The following ZNF160 variants were observed in gnomAD, a reference collection of about 807,000 sequenced individuals.
ZNF160 encodes KRAB zinc finger protein KR18.
Under a neutral mutation model 13.1 loss-of-function variants are expected in ZNF160, and 9 were observed. The observed-to-expected ratio is 0.69, with a 90% CI of 0.41 to 1.20. The LOEUF (loss-of-function observed/expected upper bound fraction) is 1.20. Ranked by LOEUF, ZNF160 falls within the 50% of genes most tolerant of loss-of-function variation. The pLI is 0.01. For synonymous variants in ZNF160, 293 were observed against 333.2 expected (o/e 0.88, Z 1.31); for missense variants, 838 against 988.0 (o/e 0.85, Z 2.04).
chr19:53,082,326 T>C (rs530094377), intron 3 of ZNF160, among the ~76,000 whole-genome samples: 3 of 152,322 alleles, frequency 2.0e-5, no homozygotes, highest in East Asian at 3.9e-4. Flanking sequence ...TTCAAATCCA[T>C]GAGACATATT....
Position 53,069,003 on chromosome 19 carries a change from A to G in ZNF160, c.1531T>C (p.Cys511Arg). The change falls in exon 6 of 6, where the codon TGT (cysteine) becomes CGT (arginine). Residue 511 changes from cysteine (C) to arginine (R), a missense_variant. Physicochemically the swap from Cys to Arg is radical, Grantham distance 180. Transcript: ENST00000683776. The surrounding 1 kb of genome is among the most constrained non-coding windows in gnomAD (Gnocchi z 4.4). ...CTGAAGGCTTTCCCACACTCATTAC[A>G]CTTGTAAGGTTTCTCTCCAGTATGA... ...RIHTGEKPYKCNECGKAFSVR... is the reference protein window; with the variant it reads ...RIHTGEKPYKRNECGKAFSVR... 6.2e-7 allele frequency: 1 copy of G among 1,614,186 alleles called. No individual in the cohort carries two copies. The highest frequency in any genetic ancestry group is 8.5e-7 in the Non-Finnish European group (1 of 1,180,040).
chr19:53,076,017 A>C (rs2084375444), intron 3 of ZNF160: 2 of 250,806 alleles, frequency 8.0e-6, no homozygotes, highest in Non-Finnish European at 1.6e-5. Flanking sequence ...TTTGATGTGT[A>C]GAGGAAAACC....
At chr19:53,080,000 T>C (rs2084564251) in intron 3 of ZNF160, among the ~76,000 whole-genome samples, 1 of 152,082 alleles carries the variant, frequency 6.6e-6, no homozygotes, top group Non-Finnish European at 1.5e-5. Flanking sequence ...AAGGATATGA[T>C]TCTGTATCTA....
chr19:53,070,693 C>T (rs1000127843), intron 5 of ZNF160, among the ~76,000 whole-genome samples: 17 of 152,088 alleles, frequency 1.1e-4, no homozygotes, highest in Admixed American at 5.9e-4. Flanking sequence ...GAATTACAGG[C>T]GTGAGTCACT....
intron 3 of ZNF160, among the ~76,000 whole-genome samples, chr19:53,083,689 C>G (rs2145767404): frequency 6.6e-6 from 1 of 152,298 alleles, no homozygotes; most frequent in East Asian, 1.9e-4. Context: ...GGCTTGGGCC[C>G]AGGAGTTTGA....
Position 53,082,110 on chromosome 19 carries a change from A to G in ZNF160, c.15+4152T>C, listed in dbSNP as rs55829045. ...AGAACAACAGACACTGGCGACTCCA[A>G]AAAGGAAGAGGAAGGAAGAGGGGAA... On this transcript the variant is annotated intron_variant, in intron 3 of 5. Coordinates refer to ENST00000683776, the MANE Select transcript of ZNF160 (RefSeq NM_001322131.2). 7.8e-3 allele frequency among the ~76,000 whole-genome samples: 1,188 copies of G among 152,280 alleles called. 15 individuals carry two copies. The highest frequency in any genetic ancestry group is 0.027 in the African/African-American group (1,119 of 41,548).
intron 5 of ZNF160, 91 bp from the exon 6 acceptor site, chr19:53,070,353 A>G: frequency 7.9e-7 from 1 of 1,262,944 alleles, no homozygotes; most frequent in South Asian, 1.7e-5. Context: ...CAAAAGTAAT[A>G]CTTATATTGA....
chr19:53,073,548 C>A, intron 5 of ZNF160: 2 of 1,570,934 alleles, frequency 1.3e-6, no homozygotes, highest in Non-Finnish European at 1.7e-6. Context: ...ATAAACAGGT[C>A]TAGACGTCAG....
chr19:53,099,786 T>C (rs1390112419), intron 1 of ZNF160, among the ~76,000 whole-genome samples: 1 of 152,216 alleles, frequency 6.6e-6, no homozygotes, highest in Non-Finnish European at 1.5e-5. Context: ...TGAGGTATAT[T>C]GACTGAGTCC....
intron 3 of ZNF160, among the ~76,000 whole-genome samples, chr19:53,083,457 G>C (rs574474583): frequency 6.6e-6 from 1 of 152,216 alleles, no homozygotes; most frequent in Non-Finnish European, 1.5e-5. Flanking sequence ...TCCACTGGTA[G>C]ATAAAGATAA....
chr19:53,071,679 A>T (rs937293194), intron 5 of ZNF160, among the ~76,000 whole-genome samples: 1 of 152,042 alleles, frequency 6.6e-6, no homozygotes, highest in Non-Finnish European at 1.5e-5. Flanking sequence ...AAATAAAAAA[A>T]AAATCGGGCA....
chr19:53,093,192 C>T (rs931261010), intron 1 of ZNF160, among the ~76,000 whole-genome samples: 1 of 152,172 alleles, frequency 6.6e-6, no homozygotes, highest in African/African-American at 2.4e-5. Flanking sequence ...CCCAGCACTT[C>T]ACTTTGGGAG....
chr19:53,074,113 C>T (rs1600820487), intron 5 of ZNF160, 27 bp downstream of exon 5: 3 of 1,610,778 alleles, frequency 1.9e-6, no homozygotes, highest in East Asian at 4.5e-5. Flanking sequence ...AATGAGTGGC[C>T]TTCTCTCTGC....
chr19:53,082,383 C>A (rs1363649850), intron 3 of ZNF160, among the ~76,000 whole-genome samples: 7 of 152,152 alleles, frequency 4.6e-5, no homozygotes, highest in East Asian at 3.8e-4. Context: ...TCAGAAAATG[C>A]TTCTAAAATC....
intron 1 of ZNF160, among the ~76,000 whole-genome samples, chr19:53,093,887 T>G (rs2085125226): frequency 1.3e-5 from 2 of 152,136 alleles, no homozygotes; most frequent in Admixed American, 1.3e-4. Context: ...AAAGGAAAAT[T>G]TCAGCTAATT....
In ZNF160 at chr19:53,075,839, T is replaced by C. The variant is rs1277274914; in HGVS notation, c.16-656A>G. ...AGAATTCACAATTCACAGCTGGTCATTGAGAAGCACAGGCCACAACTTGTG... is the reference window on the plus strand; with the variant it reads ...AGAATTCACAATTCACAGCTGGTCACTGAGAAGCACAGGCCACAACTTGTG... On this transcript the variant is annotated intron_variant, in intron 3 of 5. Transcript: ENST00000683776. 2.5e-5 allele frequency: 13 copies of C among 518,818 alleles called. No homozygotes were observed. In the East Asian group the frequency reaches 2.7e-4, roughly 11 times the overall value. The allele number at this position is 518,818 out of a possible 1,614,324, so 32.1% of individuals were successfully genotyped here. A position where few individuals can be genotyped will look rare whatever the true frequency, so the allele number is the denominator to read the frequency against.
intron 2 of ZNF160, among the ~76,000 whole-genome samples, chr19:53,090,100 A>AC: frequency 8.2e-6 from 1 of 121,650 alleles, no homozygotes; most frequent in East Asian, 2.2e-4. Flanking sequence ...ACTCTCTGGC[A>AC]CCCCCAGATC....
intron 2 of ZNF160, 70 bp from the exon 3 acceptor site, chr19:53,086,391 A>ATC (rs2084831802): frequency 7.4e-7 from 1 of 1,354,310 alleles, no homozygotes; most frequent in Non-Finnish European, 1.0e-6. Context: ...AGGGCTGAGA[A>ATC]TCTATACATC....
chr19:53,069,885 C>A lies in ZNF160; in HGVS notation c.649G>T (p.Val217Leu), dbSNP rs770645462. The change falls in exon 6 of 6, where the codon GTG becomes TTG. Residue 217 changes from valine (V) to leucine (L), a missense_variant. By Grantham distance (32) the Val-to-Leu change is conservative. This residue lies in a region of ZNF160 where 387 missense variants were observed against 402.3 expected (regional missense o/e 0.96). Transcript: ENST00000683776. This position sits in a 1 kb window ranked among gnomAD's most constrained non-coding sequence, Gnocchi z 4.4. ...VEKSTNNGSS[V>L]SPLQQIPSSV... ...GAAGGAATTTGTTGAAGTGGTGACA[C>A]TGAGGAACCATTGTTGGTAGACTTC... The A allele has an allele frequency of 3.7e-6, 6 of 1,614,092 alleles. No homozygotes were observed. The highest frequency in any genetic ancestry group is 5.1e-6 in the Non-Finnish European group (6 of 1,180,020).
Sources: gnomAD v4.1 joint callset for allele counts (sites outside exome capture counted in the v4.1 genomes callset) on GRCh38, gnomAD v4.1.1 for gene constraint, gnomAD v4.1.1 regional missense constraint, Gnocchi (gnomAD v3.1) non-coding constraint, MANE v1.5 for transcripts, NCBI Gene and HGNC (gene_info 2026-07-23, HGNC 2026-07-21) for gene names.